Variants in ATP11C observed in about 807,000 individuals in gnomAD.
ATP11C encodes phospholipid-transporting ATPase IG.
In ATP11C, 36 loss-of-function variants were observed where a neutral mutation model predicts 97.4. The ratio of observed to expected loss-of-function variants is 0.37; its 90% confidence interval spans 0.28 to 0.49. The LOEUF (loss-of-function observed/expected upper bound fraction) is 0.49. ATP11C is among the 20% of genes least tolerant of loss of function. The pLI is 0.98. For missense variants in ATP11C, 730 were observed against 824.6 expected, an observed-to-expected ratio of 0.89 and a Z score of 1.40; for synonymous variants, 275 against 290.9, an observed-to-expected ratio of 0.95 and a Z score of 0.56.
At chrX:139,850,325 G>C (rs1384895912) in intron 1 of ATP11C, among the ~76,000 whole-genome samples, 1 of 111,394 alleles carries the variant, frequency 9.0e-6, no homozygotes, top group Non-Finnish European at 1.9e-5. Context: ...TGATCAGAAT[G>C]TTGGTATAAA....
intron 26 of ATP11C, 50 bp downstream of exon 26, chrX:139,743,509 A>T: frequency 1.2e-6 from 1 of 836,972 alleles, no homozygotes; most frequent in Non-Finnish European, 1.7e-6. Flanking sequence ...AAGACAAGAA[A>T]GTATTATAAA....
chrX:139,910,731 T>C (rs2085060369), intron 1 of ATP11C, among the ~76,000 whole-genome samples: 1 of 111,318 alleles, frequency 9.0e-6, no homozygotes, highest in African/African-American at 3.3e-5. Flanking sequence ...TAAAGTGACC[T>C]TGATGGACAG....
chrX:139,761,051 A>C (rs751344038), intron 22 of ATP11C, among the ~76,000 whole-genome samples: 1 of 110,967 alleles, frequency 9.0e-6, no homozygotes, highest in African/African-American at 3.3e-5. Context: ...TGAGAGGCTG[A>C]GGGGGGCAGA....
intron 27 of ATP11C, among the ~76,000 whole-genome samples, chrX:139,740,639 T>C (rs1016323366): frequency 2.7e-5 from 3 of 111,879 alleles, no homozygotes; most frequent in Non-Finnish European, 5.6e-5. Context: ...TGTTGGTCAA[T>C]ATATCAGGTA....
At chrX:139,743,138 A>T (rs2081604794) in intron 26 of ATP11C, among the ~76,000 whole-genome samples, 1 of 109,229 alleles carries the variant, frequency 9.2e-6, no homozygotes, top group Non-Finnish European at 1.9e-5. Flanking sequence ...TCTTAAACAG[A>T]AGTATAATTT....
At chrX:139,771,469 G>A (rs896724329) in intron 19 of ATP11C, among the ~76,000 whole-genome samples, 4 of 111,830 alleles carry the variant, frequency 3.6e-5, no homozygotes, top group Non-Finnish European at 7.5e-5. Flanking sequence ...ACGCAACTTT[G>A]GAACTGGGTA....
At chrX:139,818,536 T>C (rs1230649341) in intron 3 of ATP11C, among the ~76,000 whole-genome samples, 1 of 111,928 alleles carries the variant, frequency 8.9e-6, no homozygotes, top group African/African-American at 3.3e-5. Context: ...TTTTCAAATC[T>C]TCCATCATTC....
chrX:139,769,326 A>ATATAT (rs2082208344), intron 19 of ATP11C, among the ~76,000 whole-genome samples: 1 of 67,022 alleles, frequency 1.5e-5, no homozygotes, highest in Non-Finnish European at 2.8e-5. Context: ...ATATATATAT[A>ATATAT]TTCTTTAAAT....
chrX:139,757,870 GA>G lies in ATP11C; in HGVS notation c.2641-4del, dbSNP rs752741769. 3,371 of 938,824 alleles carry G rather than the reference GA, an allele frequency of 3.6e-3. No homozygotes were observed. Among genetic ancestry groups the G allele is most frequent in the Admixed American group, 5.6e-3 (183 of 32,795 alleles). 77.4% of individuals were successfully genotyped at this position (938,824 alleles called of 1,213,427 possible). ...TGTGGCAAAATGAAACAAAGGTTCTGAAAAAAAAAAATTAAGACAAGGATTA... is the reference window on the plus strand; with the variant it reads ...TGTGGCAAAATGAAACAAAGGTTCTGAAAAAAAAAATTAAGACAAGGATTA... On this transcript the variant is annotated splice_region_variant and splice_polypyrimidine_tract_variant and intron_variant, in intron 22 of 29. Coordinates refer to ENST00000682941, the MANE Select transcript of ATP11C (RefSeq NM_001353812.2).
chrX:139,820,417 A>AT (rs2147858468), intron 2 of ATP11C, among the ~76,000 whole-genome samples: 1 of 110,425 alleles, frequency 9.1e-6, no homozygotes, highest in African/African-American at 3.3e-5. Flanking sequence ...AATAAATAAT[A>AT]AAATAAATAA....
At chrX:139,748,747 G>A (rs2081746176) in intron 24 of ATP11C, among the ~76,000 whole-genome samples, 1 of 111,569 alleles carries the variant, frequency 9.0e-6, no homozygotes, top group African/African-American at 3.3e-5. Context: ...TCTAGACTGG[G>A]AGAAATTTTA....
intron 24 of ATP11C, 69 bp from the exon 25 acceptor site, chrX:139,745,926 G>C: frequency 9.1e-7 from 1 of 1,099,969 alleles, no homozygotes; most frequent in African/African-American, 1.8e-5. Context: ...AAATGTCAAA[G>C]GTGGGCGTGG....
At chrX:139,778,316 T>G (rs1265520245) in intron 18 of ATP11C, among the ~76,000 whole-genome samples, 1 of 112,048 alleles carries the variant, frequency 8.9e-6, no homozygotes, top group Non-Finnish European at 1.9e-5. Context: ...AAAGGAGCTC[T>G]AAACACAGAA....
At chrX:139,850,882 A>G (rs2083979260) in intron 1 of ATP11C, among the ~76,000 whole-genome samples, 1 of 111,167 alleles carries the variant, frequency 9.0e-6, no homozygotes, top group Non-Finnish European at 1.9e-5. Context: ...TGCACTCTAG[A>G]CTGGGTGACA....
chrX:139,732,586 C>CAAA (rs58514331), intron 28 of ATP11C: 4 of 120,054 alleles, frequency 3.3e-5, no homozygotes, highest in Non-Finnish European at 6.6e-5. Flanking sequence ...ATGCAGAAAC[C>CAAA]AAAAAAAAAA....
chrX:139,857,430 T>G (rs896636214), intron 1 of ATP11C, among the ~76,000 whole-genome samples: 3 of 111,697 alleles, frequency 2.7e-5, no homozygotes, highest in African/African-American at 9.8e-5. Context: ...TAAAGAATCT[T>G]TTTCGATTAC....
chrX:139,729,395 T>C (rs765858759), intron 29 of ATP11C, among the ~76,000 whole-genome samples: 10 of 111,894 alleles, frequency 8.9e-5, no homozygotes, highest in Non-Finnish European at 1.9e-4. Flanking sequence ...AATGATTAGA[T>C]TGCTGTTTTT....
chrX:139,819,525 A>C (rs968718851), intron 2 of ATP11C, 98 bp from the exon 3 acceptor site: 5 of 340,236 alleles, frequency 1.5e-5, no homozygotes, highest in African/African-American at 1.3e-4. Flanking sequence ...ATATAAAGTG[A>C]TATTTAGTAT....
chrX:139,787,957 C>A (rs957435221), intron 14 of ATP11C, among the ~76,000 whole-genome samples: 12 of 112,376 alleles, frequency 1.1e-4, no homozygotes, highest in African/African-American at 3.9e-4. Context: ...AGACTTCTGG[C>A]TGGCATGCAT....
Sources: allele counts gnomAD v4.1 joint callset (sites outside exome capture counted in the v4.1 genomes callset), GRCh38; gene constraint gnomAD v4.1.1; transcripts MANE v1.5; gene names NCBI Gene and HGNC (gene_info 2026-07-23, HGNC 2026-07-21).